The following PTPRD variants were observed in gnomAD, a reference collection of about 807,000 sequenced individuals.
PTPRD encodes the protein protein tyrosine phosphatase receptor type D, also known as receptor-type tyrosine-protein phosphatase delta.
PTPRD carries 34 observed loss-of-function variants against 214.5 expected under a neutral mutation model. The observed-to-expected ratio is 0.16, with a 90% confidence interval of 0.12 to 0.21. PTPRD has a LOEUF of 0.21. Ranked by LOEUF, PTPRD falls within the 10% of genes least tolerant of loss-of-function variation. The pLI is 1.00. For synonymous variants in PTPRD, 1,128 were observed against 845.7 expected, an observed-to-expected ratio of 1.33 and a Z score of -5.79; for missense variants, 2,545 against 2,398.7, an observed-to-expected ratio of 1.06 and a Z score of -1.27.
At chr9:8,477,123 A>C (rs2096781033) in intron 30 of PTPRD, among the ~76,000 whole-genome samples, 1 of 145,642 alleles carries the variant, frequency 6.9e-6, no homozygotes, top group South Asian at 2.1e-4. Flanking sequence ...CTTGAAATGA[A>C]AAAAAAAAAA....
chr9:8,347,446 C>G (rs1169466777), intron 39 of PTPRD, among the ~76,000 whole-genome samples: 1 of 152,108 alleles, frequency 6.6e-6, no homozygotes, highest in Non-Finnish European at 1.5e-5. Context: ...CCTGTCGGAG[C>G]TTACAGTTTA....
chr9:8,517,939 G>C lies in PTPRD; in HGVS notation c.1452C>G (p.Pro484=), dbSNP rs2138471850. ...GGACTTTGACAGAATATGTTTTCTG[G>C]GGCACTAAGTTGCCAATAGTAGTGA... ...SQITTIGNLV[P]QKTYSVKVLA... The change falls in exon 21 of 46, where the codon CCC becomes CCG. Residue 484 remains proline, a synonymous_variant. Transcript: ENST00000381196. The C allele has an allele frequency of 6.2e-7, 1 of 1,614,072 alleles. No individual in the cohort carries two copies. The highest frequency in any genetic ancestry group is 1.1e-5 in the South Asian group (1 of 91,072).
intron 2 of PTPRD, among the ~76,000 whole-genome samples, chr9:10,600,076 T>C (rs1028280778): frequency 2.6e-5 from 4 of 151,738 alleles, no homozygotes; most frequent in Admixed American, 1.3e-4. Context: ...GAGATGGAGG[T>C]TGTAATTGTA....
chr9:9,751,378 A>C (rs2098517631), intron 6 of PTPRD, among the ~76,000 whole-genome samples: 1 of 152,106 alleles, frequency 6.6e-6, no homozygotes, highest in South Asian at 2.1e-4. Context: ...AACTCCAGAA[A>C]AATTAATGCA....
At chr9:9,775,362 G>A (rs1358525146) in intron 5 of PTPRD, among the ~76,000 whole-genome samples, 1 of 152,110 alleles carries the variant, frequency 6.6e-6, no homozygotes, top group Non-Finnish European at 1.5e-5. Context: ...GAGGAGATCA[G>A]GGTCCTAAAT....
chr9:9,219,739 G>A (rs376367024), intron 9 of PTPRD, among the ~76,000 whole-genome samples: 72 of 152,270 alleles, frequency 4.7e-4, no homozygotes, highest in African/African-American at 1.6e-3. Context: ...TCTGTGGAGT[G>A]AAGGCAGAAG....
intron 2 of PTPRD, among the ~76,000 whole-genome samples, chr9:10,415,305 T>A (rs2098476754): frequency 6.6e-6 from 1 of 151,596 alleles, no homozygotes; most frequent in South Asian, 2.1e-4. Context: ...GAATGTCTTA[T>A]ACACACACAC....
chr9:9,827,274 C>A (rs1598928518), intron 5 of PTPRD, among the ~76,000 whole-genome samples: 2 of 152,024 alleles, frequency 1.3e-5, no homozygotes, highest in Non-Finnish European at 2.9e-5. Context: ...AGGCTGCAGT[C>A]ACCAAAACAG....
chr9:8,524,533 A>T (rs2097964423), intron 18 of PTPRD, among the ~76,000 whole-genome samples: 1 of 152,162 alleles, frequency 6.6e-6, no homozygotes, highest in Non-Finnish European at 1.5e-5. Context: ...TTGCACAGAG[A>T]ACTGATTAGT....
chr9:10,463,997 CTCTT>C (rs1244381082), intron 2 of PTPRD, among the ~76,000 whole-genome samples: 3 of 152,150 alleles, frequency 2.0e-5, no homozygotes, highest in Admixed American at 2.0e-4. Flanking sequence ...AGGAGAATAA[CTCTT>C]TATTTTAAAA....
At chr9:9,184,228 G>T (rs528542057) in intron 9 of PTPRD, among the ~76,000 whole-genome samples, 1 of 152,064 alleles carries the variant, frequency 6.6e-6, no homozygotes, top group South Asian at 2.1e-4. Flanking sequence ...CCTATCACAC[G>T]TTATCACATC....
At chr9:10,137,830 C>G (rs1592112359) in intron 3 of PTPRD, among the ~76,000 whole-genome samples, 1 of 151,442 alleles carries the variant, frequency 6.6e-6, no homozygotes, top group Admixed American at 6.6e-5. Flanking sequence ...AATTGTAAAA[C>G]TCTTTGAAAT....
intron 5 of PTPRD, among the ~76,000 whole-genome samples, chr9:9,847,664 G>T (rs1298477581): frequency 6.6e-6 from 1 of 152,102 alleles, no homozygotes; most frequent in East Asian, 1.9e-4. Flanking sequence ...TTCTGTGGTA[G>T]CTTTCCAGGC....
chr9:9,795,406 G>A (rs1252211612), intron 5 of PTPRD, among the ~76,000 whole-genome samples: 1 of 151,946 alleles, frequency 6.6e-6, no homozygotes, highest in Non-Finnish European at 1.5e-5. Context: ...CAATATTGAG[G>A]GCCATTGCCA....
At chr9:8,551,528 T>C (rs1480822868) in intron 14 of PTPRD, among the ~76,000 whole-genome samples, 2 of 152,238 alleles carry the variant, frequency 1.3e-5, no homozygotes, top group African/African-American at 4.8e-5. Flanking sequence ...AGTTCTTAAC[T>C]TTAGAAGACT....
intron 2 of PTPRD, among the ~76,000 whole-genome samples, chr9:10,587,499 C>A (rs1195062064): frequency 6.6e-6 from 1 of 151,820 alleles, no homozygotes; most frequent in Non-Finnish European, 1.5e-5. Context: ...AGGAGAGTTG[C>A]AGGAGGAAAG....
At chr9:10,162,337 A>G (rs575544200) in intron 3 of PTPRD, among the ~76,000 whole-genome samples, 10 of 151,646 alleles carry the variant, frequency 6.6e-5, no homozygotes, top group Admixed American at 6.6e-4. Context: ...AATGTGATAT[A>G]TATACACAAT....
chr9:9,760,062 T>C (rs938880341), intron 6 of PTPRD, among the ~76,000 whole-genome samples: 3 of 152,172 alleles, frequency 2.0e-5, no homozygotes, highest in African/African-American at 2.4e-5. Context: ...TTCAAGATAA[T>C]GGATTTTCCC....
At chr9:8,446,565 G>C (rs1409107377) in intron 34 of PTPRD, among the ~76,000 whole-genome samples, 1 of 152,058 alleles carries the variant, frequency 6.6e-6, no homozygotes, top group Non-Finnish European at 1.5e-5. Context: ...ATAAATCACA[G>C]GCATCTTATT....
Sources: allele counts gnomAD v4.1 joint callset (sites outside exome capture counted in the v4.1 genomes callset), GRCh38; gene constraint gnomAD v4.1.1; transcripts MANE v1.5; gene names NCBI Gene and HGNC (gene_info 2026-07-23, HGNC 2026-07-21).